NUP98: variants seen among roughly 807,000 people sequenced by gnomAD.
NUP98 encodes nuclear pore complex protein Nup98-Nup96.
In NUP98, 26 loss-of-function variants were observed where a neutral mutation model predicts 191.9. The observed-to-expected ratio is 0.14, with a 90% CI of 0.10 to 0.19. The LOEUF (loss-of-function observed/expected upper bound fraction) is 0.19. NUP98 is among the 10% of genes least tolerant of loss of function. The probability of loss-of-function intolerance (pLI) is 1.00; values close to 1 mark genes in which losing one functional copy is unlikely to be tolerated. For missense variants in NUP98, 1,941 were observed against 2,178.8 expected (o/e 0.89, Z 2.17); for synonymous variants, 808 against 778.4 (o/e 1.04, Z -0.63).
Position 3,705,205 on chromosome 11 carries a change from G to A in NUP98, c.3077C>T (p.Ser1026Leu). ...ISASHSSKTR[S>L]LVGGLLQSKF... Reference sequence around the variant, plus strand: ...TAGCATCTTTTATACTGTACCTAGTGAACGAGTTTTCGACGAGTGGGATGC... The same window carrying A: ...TAGCATCTTTTATACTGTACCTAGTAAACGAGTTTTCGACGAGTGGGATGC... The change falls in exon 22 of 33, where the codon TCA (serine) becomes TTA (leucine). Residue 1026 changes from serine (S) to leucine (L), a missense_variant. Ser to Leu is a moderately radical substitution (Grantham distance 145). Transcript: ENST00000324932. The A allele has an allele frequency of 1.2e-6, 2 of 1,614,104 alleles. No individual in the cohort carries two copies. The highest frequency in any genetic ancestry group is 1.7e-6 in the Non-Finnish European group (2 of 1,179,972).
chr11:3,718,391 CTGAGCATGG>C (rs2079262662), intron 18 of NUP98, among the ~76,000 whole-genome samples: 1 of 152,024 alleles, frequency 6.6e-6, no homozygotes, highest in African/African-American at 2.4e-5. Context: ...CAAAAATTAG[CTGAGCATGG>C]TGGCGGGCAC....
At chr11:3,768,187 C>A (rs577982793) in intron 8 of NUP98, among the ~76,000 whole-genome samples, 4 of 151,974 alleles carry the variant, frequency 2.6e-5, no homozygotes, top group South Asian at 2.1e-4. Context: ...TTTGGGAGGC[C>A]GAGGTGGGCG....
chr11:3,762,175 T>G (rs1160166593), intron 9 of NUP98, among the ~76,000 whole-genome samples: 2 of 152,042 alleles, frequency 1.3e-5, no homozygotes, highest in East Asian at 3.9e-4. Context: ...AATAGCGCGA[T>G]CTCGGGTCAC....
chr11:3,769,151 A>C (rs1449167801), intron 7 of NUP98, among the ~76,000 whole-genome samples: 1 of 152,186 alleles, frequency 6.6e-6, no homozygotes, highest in Non-Finnish European at 1.5e-5. Flanking sequence ...TGGGCCAGGC[A>C]CAGTGGCTCA....
rs1157815562 is a variant in NUP98 at position 3,776,029 on chromosome 11, T to A, written c.356-8A>T. 6.3e-7 allele frequency: 1 copy of A among 1,592,952 alleles called. No individual in the cohort carries two copies. The highest frequency in any genetic ancestry group is 8.5e-7 in the Non-Finnish European group (1 of 1,171,774). On this transcript the variant is annotated splice_region_variant and splice_polypyrimidine_tract_variant and intron_variant, in intron 4 of 32. Transcript: ENST00000324932. ...TAGTACTGGTTCCAAAATCTAAAAA[T>A]AAGAAAGAAAAATGAGACGATAACA...
At chr11:3,680,757 A>C (rs1376406606) in intron 30 of NUP98, among the ~76,000 whole-genome samples, 1 of 152,084 alleles carries the variant, frequency 6.6e-6, no homozygotes, top group Non-Finnish European at 1.5e-5. Context: ...CATGTTGCCC[A>C]ACCTAATCTC....
chr11:3,708,155 T>C lies in NUP98; in HGVS notation c.2743-1528A>G, dbSNP rs921666798. Among the ~76,000 whole-genome samples the C allele has an allele frequency of 7.2e-5, 11 of 152,260 alleles. No individual in the cohort carries two copies. The South Asian group carries it at 2.3e-3, about 32-fold the overall frequency. ...CGTGAAGGCTTGATAAAATGGTTTATGGCTGTTTTCTGTGTCTAGCACATC... is the reference window on the plus strand; with the variant it reads ...CGTGAAGGCTTGATAAAATGGTTTACGGCTGTTTTCTGTGTCTAGCACATC... On this transcript the variant is annotated intron_variant, in intron 20 of 32. Transcript: ENST00000324932.
intron 18 of NUP98, among the ~76,000 whole-genome samples, chr11:3,718,161 G>T (rs561861783): frequency 6.6e-6 from 1 of 152,088 alleles, no homozygotes; most frequent in Non-Finnish European, 1.5e-5. Flanking sequence ...TTCTTTAAAC[G>T]CTTAGTAGAA....
intron 8 of NUP98, among the ~76,000 whole-genome samples, chr11:3,766,677 G>GA (rs2081350138): frequency 8.5e-6 from 1 of 118,072 alleles, no homozygotes; most frequent in African/African-American, 3.5e-5. Flanking sequence ...CGACAACAGT[G>GA]AAACTCCGTC....
chr11:3,786,773 G>C (rs1352094503), intron 1 of NUP98, among the ~76,000 whole-genome samples: 1 of 152,210 alleles, frequency 6.6e-6, no homozygotes, highest in Non-Finnish European at 1.5e-5. Flanking sequence ...CAGAAAAGTA[G>C]TGGATATCCT....
chr11:3,694,389 C>A (rs548882065), intron 26 of NUP98, among the ~76,000 whole-genome samples: 3 of 150,696 alleles, frequency 2.0e-5, no homozygotes, highest in South Asian at 4.2e-4. Context: ...ACAACAACAA[C>A]AAAAATAACG....
chr11:3,783,829 T>C (rs187639835), intron 1 of NUP98, among the ~76,000 whole-genome samples: 2 of 152,138 alleles, frequency 1.3e-5, no homozygotes, highest in East Asian at 3.9e-4. Context: ...AAAAGTTTGG[T>C]TCCCCCTGTC....
chr11:3,757,568 G>A (rs1446631335), intron 10 of NUP98, among the ~76,000 whole-genome samples: 1 of 151,870 alleles, frequency 6.6e-6, no homozygotes, highest in Non-Finnish European at 1.5e-5. Flanking sequence ...GGAGACCGAG[G>A]CTGGCAGATC....
intron 10 of NUP98, among the ~76,000 whole-genome samples, chr11:3,754,268 T>C (rs1433883344): frequency 2.6e-5 from 4 of 151,814 alleles, no homozygotes; most frequent in Middle Eastern, 3.4e-3. Context: ...CTCTACAAAA[T>C]ATACAAAATT....
At chr11:3,686,604 A>C (rs1224238492) in intron 28 of NUP98, among the ~76,000 whole-genome samples, 2 of 152,090 alleles carry the variant, frequency 1.3e-5, no homozygotes, top group Admixed American at 1.3e-4. Flanking sequence ...TTTCTCTGAC[A>C]TATTTAAAAC....
At chr11:3,730,184 G>A (rs2134274196) in intron 14 of NUP98, among the ~76,000 whole-genome samples, 1 of 151,036 alleles carries the variant, frequency 6.6e-6, no homozygotes, top group African/African-American at 2.4e-5. Flanking sequence ...GCAGTGAGCC[G>A]AGATCGTGCC....
chr11:3,753,319 T>A lies in NUP98; in HGVS notation c.1264A>T (p.Thr422Ser). 1 of 1,613,344 alleles carries A rather than the reference T, an allele frequency of 6.2e-7. No homozygotes were observed. The highest frequency in any genetic ancestry group is 8.5e-7 in the Non-Finnish European group (1 of 1,179,326). ...TCTCATGGTAGCAGTTTCTTACCTG[T>A]TCCAAATCCTGCACCAAGCCCAGTT... ...LGTGLGAGFG[T>S]ALGAGQASLF... Residue 422 changes from threonine (T) to serine (S), a missense_variant, in exon 11 of 33, where the codon ACA becomes TCA. By Grantham distance (58) the Thr-to-Ser change is moderately conservative. Coordinates refer to ENST00000324932, the MANE Select transcript of NUP98 (RefSeq NM_016320.5).
chr11:3,790,230 G>A (rs1006632652), intron 1 of NUP98, among the ~76,000 whole-genome samples: 1 of 152,150 alleles, frequency 6.6e-6, no homozygotes, highest in African/African-American at 2.4e-5. Flanking sequence ...CCTAATTCAG[G>A]TGCTCAATTC....
At chr11:3,700,523 G>T in intron 24 of NUP98, 87 bp downstream of exon 24, 1 of 865,956 alleles carries the variant, frequency 1.2e-6, no homozygotes, top group Non-Finnish European at 1.8e-6. Flanking sequence ...CTACTAGACT[G>T]GTGCCAGGAA....
Sources: allele counts gnomAD v4.1 joint callset (sites outside exome capture counted in the v4.1 genomes callset), GRCh38; gene constraint gnomAD v4.1.1; transcripts MANE v1.5; gene names NCBI Gene and HGNC (gene_info 2026-07-23, HGNC 2026-07-21).